FRMD5: variants seen among roughly 807,000 people sequenced by gnomAD.
FRMD5 encodes FERM domain containing 5, also known as FERM domain-containing protein 5.
A neutral mutation model predicts 69.0 loss-of-function variants in FRMD5; 20 were observed. That is an observed-to-expected ratio of 0.29 (90% CI 0.20 to 0.42). FRMD5 has a LOEUF of 0.42. Among genes scored for constraint, FRMD5 ranks in the 10% least tolerant of loss-of-function variants. The pLI is 1.00. For missense variants in FRMD5, 595 were observed against 708.6 expected, an observed-to-expected ratio of 0.84 and a Z score of 1.82; for synonymous variants, 271 against 260.1, an observed-to-expected ratio of 1.04 and a Z score of -0.40.
At chr15:44,048,519 T>C (rs1892524415) in intron 1 of FRMD5, among the ~76,000 whole-genome samples, 2 of 152,212 alleles carry the variant, frequency 1.3e-5, no homozygotes, top group Non-Finnish European at 2.9e-5. Flanking sequence ...GTCTTTTTAC[T>C]TTCTTGGTGA....
chr15:43,873,328 G>T lies in FRMD5; in HGVS notation c.*557C>A. 1 of 1,493,358 alleles carries T rather than the reference G, an allele frequency of 6.7e-7. No individual in the cohort carries two copies. Among genetic ancestry groups the T allele is most frequent in the Non-Finnish European group, 8.9e-7 (1 of 1,128,014 alleles). 92.5% of individuals were successfully genotyped at this position (1,493,358 alleles called of 1,614,324 possible). Reference sequence around the variant, plus strand: ...TACATGGATGTTTACTTTTTTAAAAGTTCTGGCTGGCAAAAAAAACAAACA... The same window carrying T: ...TACATGGATGTTTACTTTTTTAAAATTTCTGGCTGGCAAAAAAAACAAACA... On this transcript the variant is annotated 3_prime_UTR_variant, in exon 14 of 14. Coordinates refer to ENST00000417257, the MANE Select transcript of FRMD5 (RefSeq NM_032892.5).
intron 1 of FRMD5, among the ~76,000 whole-genome samples, chr15:44,035,049 T>A (rs1163440133): frequency 6.6e-6 from 1 of 152,190 alleles, no homozygotes; most frequent in Non-Finnish European, 1.5e-5. Flanking sequence ...GTTTTCACTT[T>A]CTATATTTGC....
intron 1 of FRMD5, among the ~76,000 whole-genome samples, chr15:43,946,520 A>G (rs2089949678): frequency 6.6e-6 from 1 of 152,184 alleles, no homozygotes; most frequent in Non-Finnish European, 1.5e-5. Context: ...TTCTCTTTCC[A>G]CTACAACACA....
At chr15:44,013,213 A>G (rs1890803404) in intron 1 of FRMD5, among the ~76,000 whole-genome samples, 1 of 152,134 alleles carries the variant, frequency 6.6e-6, no homozygotes, top group African/African-American at 2.4e-5. Flanking sequence ...ACATAGCAAG[A>G]TCCTATCTTT....
intron 1 of FRMD5, among the ~76,000 whole-genome samples, chr15:44,100,513 A>C (rs2076623764): frequency 6.6e-6 from 1 of 152,214 alleles, no homozygotes; most frequent in Non-Finnish European, 1.5e-5. Flanking sequence ...CTATGAATAC[A>C]GTATACTTCC....
intron 7 of FRMD5, among the ~76,000 whole-genome samples, chr15:43,897,557 TAGAG>T (rs1267228967): frequency 6.6e-6 from 1 of 151,372 alleles, no homozygotes; most frequent in African/African-American, 2.4e-5. Context: ...GGTTCTTCTT[TAGAG>T]AGCTGGCTAG....
At chr15:44,088,658 T>G (rs1431187209) in intron 1 of FRMD5, among the ~76,000 whole-genome samples, 1 of 152,206 alleles carries the variant, frequency 6.6e-6, no homozygotes, top group Non-Finnish European at 1.5e-5. Context: ...AAAACAATAC[T>G]GGAGGCTATC....
chr15:44,086,738 T>C (rs1461867791), intron 1 of FRMD5, among the ~76,000 whole-genome samples: 1 of 152,152 alleles, frequency 6.6e-6, no homozygotes, highest in East Asian at 1.9e-4. Flanking sequence ...TTTTAAAAGG[T>C]GAATATTGGC....
intron 1 of FRMD5, among the ~76,000 whole-genome samples, chr15:44,185,925 T>C (rs981576648): frequency 2.4e-4 from 37 of 152,154 alleles, no homozygotes; most frequent in African/African-American, 8.7e-4. Flanking sequence ...CTTGTGTTTT[T>C]TGTCTGTTTG....
rs2088148193 is a variant in FRMD5 at position 43,871,049 on chromosome 15, A to G, written c.*2836T>C. On this transcript the variant is annotated 3_prime_UTR_variant, in exon 14 of 14. Coordinates refer to ENST00000417257, the MANE Select transcript of FRMD5 (RefSeq NM_032892.5). ...AGCTATGAAAACCATTGCTTTTTCT[A>G]CAATGAGATAAACTAATTTTGAGAG... 1 of 152,242 alleles carries G rather than the reference A, an allele frequency of 6.6e-6. No individual in the cohort carries two copies. The highest frequency in any genetic ancestry group is 1.5e-5 in the Non-Finnish European group (1 of 68,044). The allele number at this position is 152,242 out of a possible 1,614,324, so 9.4% of individuals were successfully genotyped here. A position where few individuals can be genotyped will look rare whatever the true frequency, so the allele number is the denominator to read the frequency against.
At chr15:43,983,569 T>C (rs1051920267) in intron 1 of FRMD5, among the ~76,000 whole-genome samples, 1 of 152,208 alleles carries the variant, frequency 6.6e-6, no homozygotes, top group Non-Finnish European at 1.5e-5. Flanking sequence ...TTGTATTTCA[T>C]TTAAGAAGTC....
At chr15:43,997,296 C>T (rs1595603247) in intron 1 of FRMD5, among the ~76,000 whole-genome samples, 1 of 152,192 alleles carries the variant, frequency 6.6e-6, no homozygotes, top group African/African-American at 2.4e-5. Context: ...CATTGTTGTC[C>T]TGTTCTCTGC....
Position 43,888,261 on chromosome 15 carries a change from C to T in FRMD5, c.798G>A (p.Lys266=). The T allele has an allele frequency of 6.2e-7, 1 of 1,611,984 alleles. No homozygotes were observed. The change falls in exon 10 of 14, where the codon AAG becomes AAA. Residue 266 remains lysine, a synonymous_variant. Transcript: ENST00000417257. ...GAGCAAAATATGTAAGAATAATTTT[C>T]TTTTCCTGCAAAAAATTCCACATTG... ...FYLYVSQKEE[K]KIILTYFAPT...
At position 43,873,284 on chromosome 15, in the gene FRMD5, A is replaced by G; in HGVS notation, c.*601T>C. ...CCAACTCAGACCATCATAAGAAGCAACTTTCCATTTAATCATTCTACATGG... is the reference window on the plus strand; with the variant it reads ...CCAACTCAGACCATCATAAGAAGCAGCTTTCCATTTAATCATTCTACATGG... On this transcript the variant is annotated 3_prime_UTR_variant, in exon 14 of 14. Transcript: ENST00000417257. 1 of 1,536,302 alleles carries G rather than the reference A, an allele frequency of 6.5e-7. No individual in the cohort carries two copies. The highest frequency in any genetic ancestry group is 1.2e-5 in the South Asian group (1 of 81,638).
At chr15:43,976,924 G>A (rs919765540) in intron 1 of FRMD5, among the ~76,000 whole-genome samples, 2 of 151,620 alleles carry the variant, frequency 1.3e-5, no homozygotes, top group Non-Finnish European at 2.9e-5. Flanking sequence ...TCCGCCTCCT[G>A]GGTTCAAGTG....
At chr15:43,902,095 G>C (rs1405743805) in intron 7 of FRMD5, 80 bp downstream of exon 7, 3 of 997,072 alleles carry the variant, frequency 3.0e-6, no homozygotes, top group Middle Eastern at 2.6e-4. Flanking sequence ...GGGGGCCTCT[G>C]AGCGCAGGCA....
rs117712863 is a variant in FRMD5 at position 44,099,017 on chromosome 15, A to G, written c.102+95936T>C. Among the ~76,000 whole-genome samples the G allele has an allele frequency of 8.1e-3, 1,237 of 152,314 alleles. 11 individuals are homozygous for G. Among genetic ancestry groups the G allele is most frequent in the Non-Finnish European group, 0.015 (1,034 of 68,018 alleles). Reference sequence around the variant, plus strand: ...CAAAAACACGACAACATTATCTTTCAGTTTCCTAGGTTAAGGGCAACCTCA... The same window carrying G: ...CAAAAACACGACAACATTATCTTTCGGTTTCCTAGGTTAAGGGCAACCTCA... On this transcript the variant is annotated intron_variant, in intron 1 of 13. Coordinates refer to ENST00000417257, the MANE Select transcript of FRMD5 (RefSeq NM_032892.5).
intron 6 of FRMD5, 124 bp from the exon 7 acceptor site, chr15:43,902,386 CTGCT>C: frequency 1.2e-6 from 1 of 803,246 alleles, no homozygotes; most frequent in African/African-American, 1.7e-5. Context: ...GGTGTGCTCC[CTGCT>C]TGGTTCTAGG....
intron 13 of FRMD5, among the ~76,000 whole-genome samples, chr15:43,882,522 T>TTA (rs909928677): frequency 2.0e-5 from 3 of 151,438 alleles, no homozygotes; most frequent in African/African-American, 7.3e-5. Flanking sequence ...CCACACCTGG[T>TTA]TAATTTTTGT....
Sources: allele counts gnomAD v4.1 joint callset (sites outside exome capture counted in the v4.1 genomes callset), GRCh38; gene constraint gnomAD v4.1.1; transcripts MANE v1.5; gene names NCBI Gene and HGNC (gene_info 2026-07-23, HGNC 2026-07-21).